DPH1: variants seen among roughly 807,000 people sequenced by gnomAD.
DPH1 encodes diphthamide biosynthesis 1, also known as 2-(3-amino-3-carboxypropyl)histidine synthase subunit 1.
In DPH1, 59 loss-of-function variants were observed where a neutral mutation model predicts 55.3. The observed-to-expected ratio is 1.07, with a 90% CI of 0.87 to 1.33. DPH1 has a LOEUF of 1.33. Among genes scored for constraint, DPH1 ranks in the 40% most tolerant of loss-of-function variants. The pLI, the probability that DPH1 is intolerant of heterozygous loss-of-function variation, is 0.00. For missense variants in DPH1, 628 were observed against 584.8 expected, an observed-to-expected ratio of 1.07 and a Z score of -0.76; for synonymous variants, 238 against 235.5, an observed-to-expected ratio of 1.01 and a Z score of -0.10.
intron 3 of DPH1, among the ~76,000 whole-genome samples, chr17:2,034,383 C>T (rs1428717841): frequency 6.6e-6 from 1 of 151,854 alleles, no homozygotes; most frequent in Admixed American, 6.6e-5. Context: ...GCTCAGCCAT[C>T]TGGAACCAGC....
Position 2,036,837 on chromosome 17 carries a change from A to G in DPH1, c.561A>G (p.Ala187=), listed in dbSNP as rs369168445. 5.5e-5 allele frequency: 88 copies of G among 1,613,436 alleles called. No homozygotes were observed. The African/African-American group carries it at 1.1e-3, about 19-fold the overall frequency. ...CACTTCCCTCGTCATTCCTACAGGC[A>G]GCCGCCCAGGAGCTGAAAGCCGAGT... ...STIQFVSTLQ[A]AAQELKAEYR... The change falls in exon 6 of 13, where the codon GCA becomes GCG. Residue 187 remains alanine, a splice_region_variant and synonymous_variant. Coordinates refer to ENST00000263083, the MANE Select transcript of DPH1 (RefSeq NM_001383.6). This position sits in a 1 kb window ranked among gnomAD's most constrained non-coding sequence, Gnocchi z 4.8.
rs2067525145 is a variant in DPH1 at position 2,041,587 on chromosome 17, G to A, written c.1193G>A (p.Arg398His). ...PWTVNHGQDR[R>H]PHAPGRPARG... ...ACGGTGAACCACGGCCAGGACCGCC[G>A]TCCCCACGCCCCGGGCCGGCCCGCG... Residue 398 changes from arginine (R) to histidine (H), a missense_variant, in exon 11 of 13, where the codon CGT (arginine) becomes CAT (histidine). By Grantham distance (29) the Arg-to-His change is conservative (BLOSUM62 0). Coordinates refer to ENST00000263083, the MANE Select transcript of DPH1 (RefSeq NM_001383.6). The A allele has an allele frequency of 1.2e-6, 2 of 1,609,758 alleles. No individual in the cohort carries two copies. Among genetic ancestry groups the A allele is most frequent in the Non-Finnish European group, 8.5e-7 (1 of 1,178,390 alleles).
At chr17:2,030,134 G>A (rs1364238478), upstream of DPH1, 6 of 1,586,574 alleles carry the variant, frequency 3.8e-6, no homozygotes, top group Non-Finnish European at 5.1e-6. Context: ...CGTTCTTCCA[G>A]CGCTGTCTTT....
intron 3 of DPH1, among the ~76,000 whole-genome samples, chr17:2,034,364 AG>A (rs1383121950): frequency 6.6e-6 from 1 of 151,754 alleles, no homozygotes; most frequent in Non-Finnish European, 1.5e-5. Flanking sequence ...CTTGGTGGGG[AG>A]GGTGAGAGCT....
chr17:2,040,070 T>C, intron 7 of DPH1, 148 bp from the exon 8 acceptor site: 1 of 1,227,454 alleles, frequency 8.1e-7, no homozygotes, highest in Admixed American at 2.2e-5. Flanking sequence ...CAGGTCTTCC[T>C]AATGACAGTC....
At chr17:2,042,018 C>T (rs1299565280) in intron 12 of DPH1, 143 bp downstream of exon 12, 2 of 1,494,836 alleles carry the variant, frequency 1.3e-6, no homozygotes, top group Non-Finnish European at 1.8e-6. Flanking sequence ...AGACCGCTTC[C>T]GGTGCTTCCG....
Position 2,042,808 on chromosome 17 carries a change from GC to G in DPH1, c.*225del, listed in dbSNP as rs1422088945. 1 of 1,613,914 alleles carries G rather than the reference GC, an allele frequency of 6.2e-7. No individual in the cohort carries two copies. Among genetic ancestry groups the G allele is most frequent in the South Asian group, 1.1e-5 (1 of 91,088 alleles). ...GGCTGCGCTAGCAGCCCTTGTGTGT[GC>G]CCTGGGCCAGGCAGGCGATCCCCGC... On this transcript the variant is annotated 3_prime_UTR_variant, in exon 13 of 13. Coordinates refer to ENST00000263083, the MANE Select transcript of DPH1 (RefSeq NM_001383.6).
upstream of DPH1, chr17:2,030,136 G>A: frequency 1.3e-6 from 2 of 1,588,842 alleles, no homozygotes; most frequent in Non-Finnish European, 1.7e-6. Context: ...TTCTTCCAGC[G>A]CTGTCTTTTT....
chr17:2,035,664 T>G (rs1228760694), intron 3 of DPH1, among the ~76,000 whole-genome samples: 2 of 152,018 alleles, frequency 1.3e-5, no homozygotes, highest in Non-Finnish European at 2.9e-5. Context: ...AGTCAGGGCA[T>G]GGGGCGTCTG....
chr17:2,036,124 G>T lies in DPH1; in HGVS notation c.400+33G>T. ...GGGGCCAGGACACCTGGACGGTGGC[G>T]GGGCTGGCAGGGAGGCAGGCTGCAC... On this transcript the variant is annotated intron_variant, in intron 4 of 12. Coordinates refer to ENST00000263083, the MANE Select transcript of DPH1 (RefSeq NM_001383.6). This position sits in a 1 kb window ranked among gnomAD's most constrained non-coding sequence, Gnocchi z 4.8. The T allele has an allele frequency of 6.2e-7, 1 of 1,610,196 alleles. No individual in the cohort carries two copies. Among genetic ancestry groups the T allele is most frequent in the South Asian group, 1.1e-5 (1 of 90,846 alleles).
intron 3 of DPH1, among the ~76,000 whole-genome samples, chr17:2,034,288 G>T (rs79219772): frequency 6.6e-6 from 1 of 152,006 alleles, no homozygotes; most frequent in Non-Finnish European, 1.5e-5. Context: ...GTGCCTGGGA[G>T]AAGGTATTCA....
In DPH1 at chr17:2,036,465, GCCTGGCC is replaced by G. The variant is rs2067426853; in HGVS notation, c.401-63_401-57del. Reference sequence around the variant, plus strand: ...TGCGCCTGGCTGCTCAGAGACCTGAGCCTGGCCGGGCCCTCTGCTGCTCCTGCCTTCC... The same window carrying G: ...TGCGCCTGGCTGCTCAGAGACCTGAGGGGCCCTCTGCTGCTCCTGCCTTCC... On this transcript the variant is annotated intron_variant, in intron 4 of 12. Coordinates refer to ENST00000263083, the MANE Select transcript of DPH1 (RefSeq NM_001383.6). This position sits in a 1 kb window ranked among gnomAD's most constrained non-coding sequence, Gnocchi z 4.8. 1 of 1,591,846 alleles carries G rather than the reference GCCTGGCC, an allele frequency of 6.3e-7. No homozygotes were observed. The highest frequency in any genetic ancestry group is 8.6e-7 in the Non-Finnish European group (1 of 1,165,968).
rs544282929 is a variant in DPH1, at chr17:2,031,127, C to G, written c.61+897C>G. Among the ~76,000 whole-genome samples the G allele has an allele frequency of 3.9e-5, 6 of 152,310 alleles. No homozygotes were observed. The East Asian group carries it at 1.2e-3, about 29-fold the overall frequency. On this transcript the variant is annotated intron_variant, in intron 1 of 12. Coordinates refer to ENST00000263083, the MANE Select transcript of DPH1 (RefSeq NM_001383.6). ...GAAGAGATAACGGGGTTGAACTAAG[C>G]TTAATTGTCGGGGCAGGGCATAGTG...
Position 2,043,086 on chromosome 17 carries a change from G to A in DPH1, c.*500G>A, listed in dbSNP as rs753115915. 1 of 1,613,620 alleles carries A rather than the reference G, an allele frequency of 6.2e-7. No homozygotes were observed. Among genetic ancestry groups the A allele is most frequent in the Non-Finnish European group, 8.5e-7 (1 of 1,179,932 alleles). On this transcript the variant is annotated 3_prime_UTR_variant, in exon 13 of 13. Transcript: ENST00000263083. The stretch of plus-strand genomic sequence containing the variant: ...AGCGTCAGGCCTACCTCAAGTTCTT[G>A]GACCAGTTTGCAGAGTGAAAGATCA...
chr17:2,043,804 G>A lies in DPH1; in HGVS notation c.*1218G>A, dbSNP rs1477319193. ...GCTTCTCCCTAAGTGCTCTAACCTCGCTGAACTATGAGCCTGAAGGGTGGG... is the reference window on the plus strand; with the variant it reads ...GCTTCTCCCTAAGTGCTCTAACCTCACTGAACTATGAGCCTGAAGGGTGGG... On this transcript the variant is annotated 3_prime_UTR_variant, in exon 13 of 13. Transcript: ENST00000263083. Among the ~76,000 whole-genome samples the A allele has an allele frequency of 6.6e-6, 1 of 152,124 alleles. No homozygotes were observed. Among genetic ancestry groups the A allele is most frequent in the Non-Finnish European group, 1.5e-5 (1 of 68,032 alleles).
chr17:2,039,954 G>T (rs2067488245), intron 7 of DPH1, 131 bp downstream of exon 7: 4 of 1,382,242 alleles, frequency 2.9e-6, no homozygotes, highest in Middle Eastern at 2.0e-4. Flanking sequence ...AGGCACTTGG[G>T]CCCTGGATCT....
intron 1 of DPH1, among the ~76,000 whole-genome samples, chr17:2,031,404 A>G (rs1309593543): frequency 6.6e-6 from 1 of 151,880 alleles, no homozygotes; most frequent in African/African-American, 2.4e-5. Context: ...TCTACTAAAA[A>G]TACAAAAATT....
intron 1 of DPH1, 76 bp downstream of exon 1, chr17:2,030,306 C>G (rs1322873410): frequency 4.8e-6 from 7 of 1,446,458 alleles, no homozygotes; most frequent in African/African-American, 2.9e-5. Context: ...AGGACCAACC[C>G]CCTTTAACGG....
Position 2,041,787 on chromosome 17 carries a change from G to A in DPH1, c.1247G>A (p.Arg416His), listed in dbSNP as rs562584883. The A allele has an allele frequency of 1.9e-6, 3 of 1,606,006 alleles. No individual in the cohort carries two copies. Among genetic ancestry groups the A allele is most frequent in the Non-Finnish European group, 2.5e-6 (3 of 1,176,920 alleles). ...CCTCAGGTGCAGGAGGGGTCCGCGC[G>A]TCCCCCTTCGGCCGTGGCTTGCGAG... ...ARGKVQEGSA[R>H]PPSAVACEDC... Residue 416 changes from arginine to histidine, a missense_variant, in exon 12 of 13, where the codon CGT (arginine) becomes CAT (histidine). Transcript: ENST00000263083.
Sources: gnomAD v4.1 joint callset for allele counts (sites outside exome capture counted in the v4.1 genomes callset) on GRCh38, gnomAD v4.1.1 for gene constraint, Gnocchi (gnomAD v3.1) non-coding constraint, MANE v1.5 for transcripts, NCBI Gene and HGNC (gene_info 2026-07-23, HGNC 2026-07-21) for gene names.